Variants in ROS1 observed in about 807,000 individuals in gnomAD.
ROS1 encodes ROS proto-oncogene 1, receptor tyrosine kinase.
ROS1 carries 263 observed loss-of-function variants against 273.5 expected under a neutral mutation model. The ratio of observed to expected loss-of-function variants is 0.96; its 90% confidence interval spans 0.87 to 1.06. ROS1 has a LOEUF of 1.06. Ranked by LOEUF, ROS1 falls within the 50% of genes least tolerant of loss-of-function variation. The pLI is 0.00. For synonymous variants in ROS1, 1,008 were observed against 954.1 expected (o/e 1.06, Z -1.04); for missense variants, 2,833 against 2,751.1 (o/e 1.03, Z -0.67).
chr6:117,377,348 C>T (rs1562335523), intron 18 of ROS1, among the ~76,000 whole-genome samples: 1 of 151,946 alleles, frequency 6.6e-6, no homozygotes, highest in Non-Finnish European at 1.5e-5. Context: ...TGACCTTAGG[C>T]TATCCACCCA....
intron 32 of ROS1, among the ~76,000 whole-genome samples, chr6:117,332,815 A>G (rs1445799034): frequency 6.6e-6 from 1 of 152,208 alleles, no homozygotes; most frequent in Non-Finnish European, 1.5e-5. Context: ...GAGACAATGT[A>G]CCAGAATCTC....
chr6:117,332,230 G>A (rs1777133442), intron 32 of ROS1, among the ~76,000 whole-genome samples: 1 of 149,418 alleles, frequency 6.7e-6, no homozygotes, highest in Admixed American at 6.7e-5. Context: ...AACCAACAAA[G>A]ATCAAAATAG....
rs1342519172 is a variant in ROS1, at chr6:117,300,993, G to A, written c.6696C>T (p.Val2232=). 1.3e-6 allele frequency: 2 copies of A among 1,567,952 alleles called. No individual in the cohort carries two copies. The highest frequency in any genetic ancestry group is 1.7e-6 in the Non-Finnish European group (2 of 1,162,326). The change falls in exon 43 of 44, where the codon GTC becomes GTT. Residue 2232 remains valine (V), a synonymous_variant. Transcript: ENST00000368507. The stretch of plus-strand genomic sequence containing the variant: ...ACTTACCTTCAAAGCTTTCATTTAT[G>A]ACTCCACTGTTGTTTGCTTCATCTC... ...KSRDEANNSG[V]INESFEGEDG... is the part of the protein sequence containing the mutation.
At chr6:117,396,317 T>C in intron 8 of ROS1, 53 bp from the exon 9 acceptor site, 3 of 1,255,252 alleles carry the variant, frequency 2.4e-6, no homozygotes, top group East Asian at 2.3e-5. Context: ...GGTGTGAACA[T>C]GAGATAAAAA....
At chr6:117,355,564 A>T (rs142044060) in intron 26 of ROS1, among the ~76,000 whole-genome samples, 1 of 152,246 alleles carries the variant, frequency 6.6e-6, no homozygotes, top group East Asian at 1.9e-4. Context: ...GAGCACTTGA[A>T]GTTTAGCTAG....
In ROS1 at chr6:117,353,169, G is replaced by A; in HGVS notation, c.4127-3C>T. On this transcript the variant is annotated splice_polypyrimidine_tract_variant and splice_region_variant and intron_variant, in intron 26 of 43. Coordinates refer to ENST00000368507, the MANE Select transcript of ROS1 (RefSeq NM_001378902.1). ...AGTTAAGCTAACAAGGGTTTTTCCT[G>A]CTGTTAAAAACATAAGGAATATAAA... 6.3e-7 allele frequency: 1 copy of A among 1,594,008 alleles called. No individual in the cohort carries two copies. The highest frequency in any genetic ancestry group is 8.6e-7 in the Non-Finnish European group (1 of 1,169,122).
intron 18 of ROS1, among the ~76,000 whole-genome samples, chr6:117,378,539 G>A (rs1781529523): frequency 6.6e-6 from 1 of 152,078 alleles, no homozygotes; most frequent in Admixed American, 6.5e-5. Flanking sequence ...CTTAAGATCT[G>A]AATATTTCAC....
chr6:117,425,644 A>G lies in ROS1; in HGVS notation c.13T>C (p.Tyr5His), dbSNP rs1340793753. MKNIYCLIPKLVNFA... is the reference protein window; with the variant it reads MKNIHCLIPKLVNFA... Reference sequence around the variant, plus strand: ...TTGACAAGCTTCGGAATAAGACAGTAAATGTTCTTCATCACTTCACCAATG... The same window carrying G: ...TTGACAAGCTTCGGAATAAGACAGTGAATGTTCTTCATCACTTCACCAATG... Residue 5 changes from tyrosine (Y) to histidine (H), a missense_variant, in exon 1 of 44, where the codon TAC becomes CAC. Tyr to His is a moderately conservative substitution (Grantham distance 83). Transcript: ENST00000368507. The G allele has an allele frequency of 1.9e-6, 3 of 1,611,540 alleles. No homozygotes were observed. Among genetic ancestry groups the G allele is most frequent in the South Asian group, 2.2e-5 (2 of 90,248 alleles).
intron 27 of ROS1, among the ~76,000 whole-genome samples, chr6:117,352,264 G>C (rs1778934742): frequency 6.6e-6 from 1 of 151,668 alleles, no homozygotes; most frequent in Admixed American, 6.6e-5. Context: ...TGGCAATACT[G>C]TTTTTGTTTT....
chr6:117,353,212 T>C, intron 26 of ROS1, 46 bp from the exon 27 acceptor site: 24 of 1,321,856 alleles, frequency 1.8e-5, no homozygotes, highest in Non-Finnish European at 2.4e-5. Flanking sequence ...ATTAATATCT[T>C]ACATTTTTTA....
chr6:117,424,110 A>C (rs993867154), intron 1 of ROS1, among the ~76,000 whole-genome samples: 1 of 152,192 alleles, frequency 6.6e-6, no homozygotes, highest in African/African-American at 2.4e-5. Context: ...TAAAATGGAG[A>C]CTGCAATATT....
chr6:117,309,951 G>A (rs768755981), intron 41 of ROS1, 130 bp downstream of exon 41: 54 of 822,342 alleles, frequency 6.6e-5, no homozygotes, highest in Non-Finnish European at 1.0e-4. Flanking sequence ...ACTTTAGCTT[G>A]AGGCAAATCA....
intron 27 of ROS1, among the ~76,000 whole-genome samples, chr6:117,345,397 G>C (rs1298410976): frequency 6.6e-6 from 1 of 152,176 alleles, no homozygotes; most frequent in African/African-American, 2.4e-5. Context: ...TTCTACCAGT[G>C]CACTAGCCAC....
chr6:117,337,485 A>C, intron 31 of ROS1, 145 bp from the exon 32 acceptor site: 1 of 625,984 alleles, frequency 1.6e-6, no homozygotes, highest in Non-Finnish European at 2.7e-6. Flanking sequence ...AATGATCCCA[A>C]ACATTACCCC....
intron 7 of ROS1, 68 bp from the exon 8 acceptor site, chr6:117,397,184 G>GA (rs1773564946): frequency 2.8e-6 from 3 of 1,053,524 alleles, no homozygotes; most frequent in Non-Finnish European, 2.8e-6. Context: ...AAATAAGATG[G>GA]AAAAAAGTCT....
At chr6:117,381,550 T>C (rs1772146896) in intron 17 of ROS1, among the ~76,000 whole-genome samples, 1 of 152,116 alleles carries the variant, frequency 6.6e-6, no homozygotes, top group Non-Finnish European at 1.5e-5. Context: ...TCCATCCAAA[T>C]TGCTGCAAAA....
intron 4 of ROS1, among the ~76,000 whole-genome samples, chr6:117,410,257 A>C (rs1355474815): frequency 1.3e-5 from 2 of 152,214 alleles, no homozygotes; most frequent in African/African-American, 4.8e-5. Flanking sequence ...CACTGAGCTT[A>C]GCAGTACAAT....
chr6:117,328,809 A>G (rs2128591115), intron 33 of ROS1: 1 of 613,438 alleles, frequency 1.6e-6, no homozygotes, highest in South Asian at 1.4e-5. Flanking sequence ...GTGTGTTTTC[A>G]GTCCCTGGGA....
chr6:117,291,658 G>A (rs996330706), intron 43 of ROS1, among the ~76,000 whole-genome samples: 1 of 152,138 alleles, frequency 6.6e-6, no homozygotes, highest in African/African-American at 2.4e-5. Flanking sequence ...AGTAATATCC[G>A]CTTCATAAGG....
Sources: allele counts gnomAD v4.1 joint callset (sites outside exome capture counted in the v4.1 genomes callset), GRCh38; gene constraint gnomAD v4.1.1; transcripts MANE v1.5; gene names NCBI Gene and HGNC (gene_info 2026-07-23, HGNC 2026-07-21).